FOXP1: variants seen among roughly 807,000 people sequenced by gnomAD.
FOXP1 encodes forkhead box protein P1.
A neutral mutation model predicts 98.2 loss-of-function variants in FOXP1; 15 were observed. The ratio of observed to expected loss-of-function variants is 0.15; its 90% CI spans 0.10 to 0.24. The LOEUF is 0.24. Ranked by LOEUF, FOXP1 falls within the 10% of genes least tolerant of loss-of-function variation. The pLI is 1.00. For missense variants in FOXP1, 633 were observed against 848.5 expected, an observed-to-expected ratio of 0.75 and a Z score of 3.15; for synonymous variants, 371 against 314.5, an observed-to-expected ratio of 1.18 and a Z score of -1.90.
chr3:71,088,809 G>C (rs2055450399), intron 7 of FOXP1, among the ~76,000 whole-genome samples: 1 of 152,162 alleles, frequency 6.6e-6, no homozygotes, highest in South Asian at 2.1e-4. Context: ...AACGCTGGAG[G>C]AAATTTGCAT....
intron 6 of FOXP1, among the ~76,000 whole-genome samples, chr3:71,154,239 AC>A: frequency 6.6e-6 from 1 of 152,262 alleles, no homozygotes. Flanking sequence ...TGTGGTGAGA[AC>A]ATTTGAAATC....
chr3:71,262,141 C>G (rs1445924286), intron 5 of FOXP1, among the ~76,000 whole-genome samples: 2 of 151,406 alleles, frequency 1.3e-5, no homozygotes, highest in South Asian at 2.1e-4. Context: ...TGGCACGCAC[C>G]TGTAATCCCA....
At chr3:71,263,671 C>G (rs1005737106) in intron 5 of FOXP1, among the ~76,000 whole-genome samples, 2 of 152,090 alleles carry the variant, frequency 1.3e-5, no homozygotes, top group African/African-American at 4.8e-5. Flanking sequence ...TCACTCACTT[C>G]AAAGCTCTAC....
intron 6 of FOXP1, among the ~76,000 whole-genome samples, chr3:71,193,746 G>C (rs139897657): frequency 2.6e-5 from 4 of 152,158 alleles, no homozygotes; most frequent in Admixed American, 2.6e-4. Context: ...ACCACAGACA[G>C]CCTCTACATC....
chr3:71,539,943 T>C (rs2044655963), intron 2 of FOXP1, among the ~76,000 whole-genome samples: 1 of 152,230 alleles, frequency 6.6e-6, no homozygotes, highest in African/African-American at 2.4e-5. Flanking sequence ...GTCTTGCTTA[T>C]CCTGCACACC....
intron 6 of FOXP1, among the ~76,000 whole-genome samples, chr3:71,160,381 G>T (rs143353528): frequency 8.6e-4 from 131 of 152,308 alleles, no homozygotes; most frequent in Non-Finnish European, 1.4e-3. Context: ...GTAAGAGGGA[G>T]CTGGTCAGGT....
rs2061750515 is a variant in FOXP1, at chr3:71,173,389, AC to A, written c.180+24812del. 2.1e-5 allele frequency among the ~76,000 whole-genome samples: 3 copies of A among 139,538 alleles called. No individual in the cohort carries two copies. In the East Asian group the frequency reaches 5.9e-4, roughly 27 times the overall value. 91.5% of individuals were successfully genotyped at this position (139,538 alleles called of 152,430 possible). On this transcript the variant is annotated intron_variant, in intron 6 of 20. Transcript: ENST00000649528. ...TAGAAAAAAAAGAAAAAATTCACAC[AC>A]ACACACACACACACACACACACACA...
intron 5 of FOXP1, among the ~76,000 whole-genome samples, chr3:71,244,237 G>A (rs551957816): frequency 2.6e-5 from 4 of 152,198 alleles, no homozygotes; most frequent in Non-Finnish European, 4.4e-5. Flanking sequence ...AGATGCTGCC[G>A]CTACTTTAAG....
At chr3:71,178,218 T>G (rs540638196) in intron 6 of FOXP1, among the ~76,000 whole-genome samples, 36 of 147,238 alleles carry the variant, frequency 2.4e-4, no homozygotes, top group African/African-American at 9.0e-4. Context: ...CCCTGCAACC[T>G]CCGCCTCCCG....
intron 17 of FOXP1, among the ~76,000 whole-genome samples, chr3:70,975,524 TC>T (rs1347646650): frequency 6.6e-6 from 1 of 152,228 alleles, no homozygotes; most frequent in African/African-American, 2.4e-5. Flanking sequence ...TATTTTTCTG[TC>T]TTTTGCTTTG....
At chr3:71,032,669 C>T (rs2047028939) in intron 11 of FOXP1, among the ~76,000 whole-genome samples, 2 of 152,128 alleles carry the variant, frequency 1.3e-5, no homozygotes, top group African/African-American at 2.4e-5. Flanking sequence ...AGCCAGGCCA[C>T]GGGGTAACAC....
chr3:71,491,388 T>C (rs2091048504), intron 3 of FOXP1, among the ~76,000 whole-genome samples: 1 of 152,176 alleles, frequency 6.6e-6, no homozygotes, highest in Non-Finnish European at 1.5e-5. Flanking sequence ...CTATCATACA[T>C]GCATAGCAAT....
chr3:71,279,150 T>G (rs1301771496), intron 5 of FOXP1, among the ~76,000 whole-genome samples: 7 of 114,376 alleles, frequency 6.1e-5, no homozygotes, highest in Non-Finnish European at 1.1e-4. Context: ...CCAGCCTGGG[T>G]GACAAGAGTG....
At chr3:71,148,073 A>G (rs2060396445) in intron 6 of FOXP1, among the ~76,000 whole-genome samples, 1 of 152,248 alleles carries the variant, frequency 6.6e-6, no homozygotes, top group Non-Finnish European at 1.5e-5. Context: ...AATTAGCCAG[A>G]TAATATGAAA....
rs150673082 is a variant in FOXP1, at chr3:71,562,038, T to C, written c.-298+19511A>G. Among the ~76,000 whole-genome samples the C allele has an allele frequency of 6.2e-3, 951 of 152,318 alleles. 11 individuals carry two copies. The highest frequency in any genetic ancestry group is 0.022 in the African/African-American group (928 of 41,580). ...GACAAAAAGGAAAAAGGGCCAAGCA[T>C]GGAGGCCTGATGATAGGAGTTTGGG... On this transcript the variant is annotated intron_variant, in intron 2 of 20. Coordinates refer to ENST00000649528, the MANE Select transcript of FOXP1 (RefSeq NM_001349338.3).
In FOXP1 at chr3:71,425,465, A is replaced by G. The variant is rs1247167030; in HGVS notation, c.-167-66221T>C. Among the ~76,000 whole-genome samples, 3 of 152,144 alleles carry G rather than the reference A, an allele frequency of 2.0e-5. No homozygotes were observed. The East Asian group carries it at 5.8e-4, about 29-fold the overall frequency. ...AATACAGACTCTGGTTTCCAAATCC[A>G]TTCCAAGGGGCCACTGCAGTGTGGA... On this transcript the variant is annotated intron_variant, in intron 3 of 20. Coordinates refer to ENST00000649528, the MANE Select transcript of FOXP1 (RefSeq NM_001349338.3).
intron 2 of FOXP1, among the ~76,000 whole-genome samples, chr3:71,528,378 T>C (rs776226976): frequency 6.6e-6 from 1 of 152,230 alleles, no homozygotes; most frequent in African/African-American, 2.4e-5. Flanking sequence ...ACTTAACTAA[T>C]TTTAAACGCC....
chr3:71,558,761 G>A (rs1368247599), intron 2 of FOXP1, among the ~76,000 whole-genome samples: 17 of 145,932 alleles, frequency 1.2e-4, no homozygotes, highest in Non-Finnish European at 2.6e-4. Context: ...CCAAAATGCT[G>A]GGAATCATAG....
intron 6 of FOXP1, among the ~76,000 whole-genome samples, chr3:71,120,548 C>A (rs2058685926): frequency 6.6e-6 from 1 of 152,214 alleles, no homozygotes; most frequent in African/African-American, 2.4e-5. Flanking sequence ...GCAGAGATAA[C>A]TCCACACCTA....
Sources: gnomAD v4.1 joint callset for allele counts (sites outside exome capture counted in the v4.1 genomes callset) on GRCh38, gnomAD v4.1.1 for gene constraint, MANE v1.5 for transcripts, NCBI Gene and HGNC (gene_info 2026-07-23, HGNC 2026-07-21) for gene names.